The following SCNN1A variants were observed in gnomAD, a reference collection of about 807,000 sequenced individuals.
The protein encoded by SCNN1A is epithelial sodium channel subunit alpha.
In SCNN1A, 65 loss-of-function variants were observed where a neutral mutation model predicts 68.6. The ratio of observed to expected loss-of-function variants is 0.95; its 90% CI spans 0.78 to 1.16. The LOEUF is 1.16. Among genes scored for constraint, SCNN1A ranks in the 50% most tolerant of loss-of-function variants. SCNN1A has a pLI of 0.00. For synonymous variants in SCNN1A, 357 were observed against 353.3 expected (o/e 1.01, Z -0.12); for missense variants, 880 against 865.9 (o/e 1.02, Z -0.20).
upstream of SCNN1A, chr12:6,375,703 GGA>G (rs1948894842): frequency 2.1e-6 from 3 of 1,437,180 alleles, no homozygotes; most frequent in African/African-American, 4.4e-5. Context: ...CTGAGAAGGC[GGA>G]CTCTGGGCAG....
In SCNN1A at chr12:6,348,091, C is replaced by G. The variant is rs991921402; in HGVS notation, c.1792G>C (p.Gly598Arg). 1.2e-6 allele frequency: 2 copies of G among 1,614,156 alleles called. No individual in the cohort carries two copies. The highest frequency in any genetic ancestry group is 1.7e-5 in the Admixed American group (1 of 60,020). ...FRSRYWSPGR[G>R]GRGAQEVAST... is the part of the protein sequence containing the mutation. ...GCTACCTCCTGAGCACCCCTGCCCC[C>G]TCGGCCTGGAGACCAGTATCGGCTT... The change falls in exon 13 of 13, where the codon GGG becomes CGG. Residue 598 changes from glycine to arginine, a missense_variant. This residue lies in a region of SCNN1A where 758 missense variants were observed against 721.8 expected (regional missense o/e 1.05). Transcript: ENST00000228916.
chr12:6,362,306 G>A (rs1565482051), intron 3 of SCNN1A, 65 bp from the exon 4 acceptor site: 2 of 1,423,060 alleles, frequency 1.4e-6, no homozygotes, highest in East Asian at 2.3e-5. Flanking sequence ...GCAGGGCCAA[G>A]GGCAAAGAAT....
chr12:6,376,691 A>G (rs917646504), upstream of SCNN1A, among the ~76,000 whole-genome samples: 1 of 152,176 alleles, frequency 6.6e-6, no homozygotes, highest in South Asian at 2.1e-4. Flanking sequence ...AGAGAATCAG[A>G]CCCAAAAAGG....
chr12:6,363,195 C>A (rs1948609448), intron 3 of SCNN1A, among the ~76,000 whole-genome samples: 1 of 151,740 alleles, frequency 6.6e-6, no homozygotes, highest in South Asian at 2.1e-4. Context: ...TGACTTCCTA[C>A]CCCTGAAATG....
intron 8 of SCNN1A, 102 bp from the exon 9 acceptor site, chr12:6,349,507 G>A (rs993332937): frequency 6.4e-6 from 5 of 778,280 alleles, no homozygotes; most frequent in South Asian, 1.5e-5. Context: ...CTTTACAAGA[G>A]CATTATTTAG....
In SCNN1A at chr12:6,349,367, C is replaced by A; in HGVS notation, c.1399G>T (p.Asp467Tyr). 1 of 1,610,148 alleles carries A rather than the reference C, an allele frequency of 6.2e-7. No individual in the cohort carries two copies. Among genetic ancestry groups the A allele is most frequent in the South Asian group, 1.1e-5 (1 of 90,538 alleles). Residue 467 changes from aspartate (D) to tyrosine (Y), a missense_variant, in exon 9 of 13, where the codon GAC becomes TAC. Asp to Tyr is a radical substitution (Grantham distance 160). Transcript: ENST00000228916. ...CACTTGGTGAAACAGCCCAGGTGGT[C>A]TGAGGAGAAGTCAACCTGGAGCTTA... Reference protein sequence around the residue: ...YYKLQVDFSSDHLGCFTKCRK... With the variant: ...YYKLQVDFSSYHLGCFTKCRK...
At chr12:6,358,859 CAA>C (rs35673511) in intron 4 of SCNN1A, among the ~76,000 whole-genome samples, 16,315 of 83,404 alleles carry the variant, frequency 0.2, 2,054 homozygotes, top group African/African-American at 0.44. Context: ...GAACCTGTCT[CAA>C]AAAAAAAAAA....
chr12:6,354,475 G>A lies in SCNN1A; in HGVS notation c.1323C>T (p.Asn441=), dbSNP rs753082199. 56 of 1,613,302 alleles carry A rather than the reference G, an allele frequency of 3.5e-5. No homozygotes were observed. Among genetic ancestry groups the A allele is most frequent in the South Asian group, 2.2e-4 (20 of 91,042 alleles). Residue 441 remains asparagine (N), a synonymous_variant, in exon 8 of 13, where the codon AAC becomes AAT. Coordinates refer to ENST00000228916, the MANE Select transcript of SCNN1A (RefSeq NM_001038.6). ...CAYIFYPRPQ[N]VEYCDYRKHS... ...GCTTTCTGTAGTCACAGTACTCCAC[G>A]TTCTGGGGCCGCGGATAGAAGATGT...
chr12:6,375,282 C>T, intron 1 of SCNN1A: 4 of 1,438,796 alleles, frequency 2.8e-6, no homozygotes, highest in Non-Finnish European at 3.6e-6. Flanking sequence ...CTAATCCTGC[C>T]TCTCTTCCTC....
chr12:6,358,052 C>T (rs913831033), intron 4 of SCNN1A, among the ~76,000 whole-genome samples: 1 of 152,196 alleles, frequency 6.6e-6, no homozygotes, highest in Non-Finnish European at 1.5e-5. Context: ...GTATTTGAAT[C>T]CTGGGGCTCT....
At chr12:6,355,551 T>G in intron 5 of SCNN1A, 116 bp from the exon 6 acceptor site, 1 of 1,328,614 alleles carries the variant, frequency 7.5e-7, no homozygotes, top group South Asian at 1.3e-5. Context: ...AGAAGCAAGT[T>G]CAGGAAGACC....
rs556132271 is a variant in SCNN1A at position 6,362,347 on chromosome 12, C to G, written c.685-106G>C. On this transcript the variant is annotated intron_variant, in intron 3 of 12. Coordinates refer to ENST00000228916, the MANE Select transcript of SCNN1A (RefSeq NM_001038.6). ...ATCTGGGGTTCTGAGGACTGACGGA[C>G]AGGAGTCGGAAGCCAGGAGTGGGGA... The G allele has an allele frequency of 2.7e-5, 27 of 1,016,310 alleles. No individual in the cohort carries two copies. The South Asian group carries it at 3.4e-4, about 13-fold the overall frequency. 63.0% of individuals were successfully genotyped at this position (1,016,310 alleles called of 1,614,324 possible). A position where few individuals can be genotyped will look rare whatever the true frequency, so the allele number is the denominator to read the frequency against.
rs1948266862 is a variant in SCNN1A, at chr12:6,346,961, C to T, written c.*912G>A. 1 of 152,622 alleles carries T rather than the reference C, an allele frequency of 6.6e-6. No homozygotes were observed. 9.5% of individuals were successfully genotyped at this position (152,622 alleles called of 1,614,324 possible). ...TCAGTCCCTGACCGCAAGGCACTTA[C>T]AGTCTAGTTGGGAAGGGAGACACAA... On this transcript the variant is annotated 3_prime_UTR_variant, in exon 13 of 13. Coordinates refer to ENST00000228916, the MANE Select transcript of SCNN1A (RefSeq NM_001038.6).
Position 6,374,061 on chromosome 12 carries a change from A to T in SCNN1A, c.416+307T>A, listed in dbSNP as rs956146786. ...AGCACACCCCTGCCCTTTTGCAAGC[A>T]CTCCCTCCCACTTGCAGGAGGGAGA... On this transcript the variant is annotated intron_variant, in intron 2 of 12. Transcript: ENST00000228916. This position sits in a 1 kb window ranked among gnomAD's most constrained non-coding sequence, Gnocchi z 6.2. Among the ~76,000 whole-genome samples, 1 of 151,756 alleles carries T rather than the reference A, an allele frequency of 6.6e-6. No individual in the cohort carries two copies. Among genetic ancestry groups the T allele is most frequent in the African/African-American group, 2.4e-5 (1 of 41,282 alleles).
chr12:6,370,607 A>G (rs765692558), intron 2 of SCNN1A, among the ~76,000 whole-genome samples: 1 of 152,036 alleles, frequency 6.6e-6, no homozygotes, highest in Non-Finnish European at 1.5e-5. Context: ...AGGGATGTCA[A>G]CTCTCAACAG....
intron 2 of SCNN1A, among the ~76,000 whole-genome samples, chr12:6,367,693 G>A (rs556083746): frequency 2.2e-3 from 333 of 152,298 alleles, no homozygotes; most frequent in Non-Finnish European, 3.8e-3. Context: ...ACCTGAGTGG[G>A]CACTCAAGAT....
In SCNN1A at chr12:6,361,952, G is replaced by A; in HGVS notation, c.875+99C>T. ...GCCTGCTGGCACTGGCATTTTTTTA[G>A]TCAACAAGCATTTCCTGGGCCCTGC... On this transcript the variant is annotated intron_variant, in intron 4 of 12. Transcript: ENST00000228916. 4 of 1,359,254 alleles carry A rather than the reference G, an allele frequency of 2.9e-6. No homozygotes were observed. In the South Asian group the frequency reaches 3.5e-5, roughly 12 times the overall value. 84.2% of individuals were successfully genotyped at this position (1,359,254 alleles called of 1,614,324 possible).
At chr12:6,357,585 G>T (rs936588882) in intron 4 of SCNN1A, among the ~76,000 whole-genome samples, 1 of 151,850 alleles carries the variant, frequency 6.6e-6, no homozygotes, top group Non-Finnish European at 1.5e-5. Flanking sequence ...GGTGAAATGA[G>T]ATCTATAACA....
chr12:6,363,745 G>T lies in SCNN1A; in HGVS notation c.417-35C>A, dbSNP rs72645115. On this transcript the variant is annotated intron_variant, in intron 2 of 12. Coordinates refer to ENST00000228916, the MANE Select transcript of SCNN1A (RefSeq NM_001038.6). ...CGAGGGGAAGAGGGTCAGGCCAGGG[G>T]CCCTGGAGCGAGTGTCTGGCCCCTC... is the stretch of plus-strand genomic sequence containing the variant. 157 of 1,549,774 alleles carry T rather than the reference G, an allele frequency of 1.0e-4. No homozygotes were observed. In the African/African-American group the frequency reaches 1.8e-3, roughly 18 times the overall value.
Sources: allele counts gnomAD v4.1 joint callset (sites outside exome capture counted in the v4.1 genomes callset), GRCh38; gene constraint gnomAD v4.1.1; regional missense constraint gnomAD v4.1.1; non-coding constraint Gnocchi (gnomAD v3.1); transcripts MANE v1.5; gene names NCBI Gene and HGNC (gene_info 2026-07-23, HGNC 2026-07-21).